LRBA: variants seen among roughly 807,000 people sequenced by gnomAD.
The protein encoded by LRBA is LPS responsive beige-like anchor protein, also known as lipopolysaccharide-responsive and beige-like anchor protein.
A neutral mutation model predicts 330.0 loss-of-function variants in LRBA; 176 were observed. That is an observed-to-expected ratio of 0.53 (90% CI 0.47 to 0.60). The LOEUF (loss-of-function observed/expected upper bound fraction) is 0.60, where lower values mean the gene tolerates loss of function less well. Ranked by LOEUF, LRBA falls within the 20% of genes least tolerant of loss-of-function variation. The pLI is 0.00. For missense variants in LRBA, 3,259 were observed against 3,444.8 expected (o/e 0.95, Z 1.35); for synonymous variants, 1,230 against 1,193.0 (o/e 1.03, Z -0.64).
intron 22 of LRBA, among the ~76,000 whole-genome samples, chr4:150,854,700 AAG>A (rs993812565): frequency 9.9e-5 from 15 of 152,188 alleles, no homozygotes; most frequent in Non-Finnish European, 2.2e-4. Context: ...GCAAGAATAA[AAG>A]AGAGAGCAAG....
intron 39 of LRBA, among the ~76,000 whole-genome samples, chr4:150,589,001 A>T (rs1359605598): frequency 6.6e-6 from 1 of 151,946 alleles, no homozygotes; most frequent in Non-Finnish European, 1.5e-5. Context: ...TATGAACTAA[A>T]AATGTTACAT....
At chr4:150,644,301 G>C (rs1170167147) in intron 37 of LRBA, among the ~76,000 whole-genome samples, 2 of 151,700 alleles carry the variant, frequency 1.3e-5, no homozygotes, top group African/African-American at 4.8e-5. Context: ...GAAAAACTTA[G>C]AAAATTTAAA....
chr4:150,951,902 C>A (rs1736874672), intron 2 of LRBA, among the ~76,000 whole-genome samples: 1 of 152,072 alleles, frequency 6.6e-6, no homozygotes, highest in Non-Finnish European at 1.5e-5. Flanking sequence ...TTAAAGCTTA[C>A]TTATGTTTCT....
intron 3 of LRBA, 65 bp from the exon 4 acceptor site, chr4:150,928,681 C>A: frequency 1.4e-6 from 2 of 1,406,070 alleles, no homozygotes; most frequent in Admixed American, 3.8e-5. Context: ...TTAAAATAAA[C>A]TGTGCTTATT....
intron 52 of LRBA, among the ~76,000 whole-genome samples, chr4:150,305,436 A>G (rs1050570474): frequency 2.0e-5 from 3 of 152,186 alleles, no homozygotes; most frequent in African/African-American, 7.2e-5. Context: ...TTTTCATTCA[A>G]CAAATACTTA....
intron 40 of LRBA, among the ~76,000 whole-genome samples, chr4:150,559,795 TATA>T (rs1357453376): frequency 1.3e-4 from 10 of 79,232 alleles, no homozygotes; most frequent in South Asian, 5.8e-4. Context: ...TATATATAAT[TATA>T]ATATGTTATA....
chr4:150,665,733 T>C (rs1271743639), intron 37 of LRBA, among the ~76,000 whole-genome samples: 2 of 152,226 alleles, frequency 1.3e-5, no homozygotes, highest in African/African-American at 4.8e-5. Context: ...CAGTAATTTG[T>C]TCCTTTTTAT....
At chr4:150,980,769 T>G (rs183520868) in intron 2 of LRBA, among the ~76,000 whole-genome samples, 1 of 152,302 alleles carries the variant, frequency 6.6e-6, no homozygotes, top group African/African-American at 2.4e-5. Context: ...CTATTAGAAG[T>G]GATTAATTCA....
At chr4:150,620,612 A>C (rs1356961933) in intron 37 of LRBA, among the ~76,000 whole-genome samples, 1 of 152,244 alleles carries the variant, frequency 6.6e-6, no homozygotes, top group Non-Finnish European at 1.5e-5. Flanking sequence ...ACACCATGGA[A>C]TACTACTCAG....
Position 150,675,928 on chromosome 4 carries a change from A to G in LRBA, c.5921+7623T>C, listed in dbSNP as rs1782508709. Among the ~76,000 whole-genome samples the G allele has an allele frequency of 2.0e-5, 3 of 152,242 alleles. No individual in the cohort carries two copies. In the South Asian group the frequency reaches 6.2e-4, roughly 32 times the overall value. The stretch of plus-strand genomic sequence containing the variant: ...TTGAATAAACTTTTAGAATCACACA[A>G]TCTTAGAGGTGAAGAGGACCTTACT... On this transcript the variant is annotated intron_variant, in intron 37 of 56. Transcript: ENST00000651943.
chr4:150,984,537 T>C (rs1344332395), intron 2 of LRBA, among the ~76,000 whole-genome samples: 3 of 152,126 alleles, frequency 2.0e-5, no homozygotes, highest in African/African-American at 7.2e-5. Context: ...TAGGATTTGA[T>C]AGCATATCTA....
intron 40 of LRBA, among the ~76,000 whole-genome samples, chr4:150,507,384 A>C: frequency 6.6e-6 from 1 of 152,140 alleles, no homozygotes; most frequent in Non-Finnish European, 1.5e-5. Context: ...ACAGAGATAT[A>C]GACCAATGGA....
In LRBA at chr4:150,583,710, C is replaced by T. The variant is rs1351551464; in HGVS notation, c.6330+4338G>A. 7.4e-6 allele frequency: 12 copies of T among 1,613,248 alleles called. No homozygotes were observed. The South Asian group carries it at 9.9e-5, about 13-fold the overall frequency. On this transcript the variant is annotated intron_variant, in intron 40 of 56. Transcript: ENST00000651943. The surrounding 1 kb of genome is among the most constrained non-coding windows in gnomAD (Gnocchi z 9.8). ...CCGGCAAGCAGAGCTCGGCAGAGAG[C>T]GACGCCTGGGTGCTACAGTTCGGGG... is the stretch of plus-strand genomic sequence containing the variant.
chr4:150,774,898 A>C (rs1201069132), intron 34 of LRBA, among the ~76,000 whole-genome samples: 1 of 152,170 alleles, frequency 6.6e-6, no homozygotes, highest in Admixed American at 6.5e-5. Flanking sequence ...CTGCGTATAC[A>C]GGTAAAATAA....
intron 47 of LRBA, among the ~76,000 whole-genome samples, chr4:150,400,096 A>C (rs1310395088): frequency 2.0e-5 from 3 of 152,212 alleles, no homozygotes; most frequent in Admixed American, 2.0e-4. Context: ...AGAAGTGTAC[A>C]TTGTTCAGTG....
intron 22 of LRBA, among the ~76,000 whole-genome samples, chr4:150,853,693 A>C (rs569229260): frequency 6.6e-6 from 1 of 152,166 alleles, no homozygotes; most frequent in South Asian, 2.1e-4. Context: ...TTTTAAAGAG[A>C]GTGCTGTACT....
At chr4:150,514,381 T>C (rs1480756102) in intron 40 of LRBA, among the ~76,000 whole-genome samples, 5 of 152,026 alleles carry the variant, frequency 3.3e-5, no homozygotes, top group Non-Finnish European at 7.4e-5. Context: ...GCCCCTTTCA[T>C]AGTTCCTGAC....
chr4:150,534,765 T>C (rs895214910), intron 40 of LRBA, among the ~76,000 whole-genome samples: 13 of 152,204 alleles, frequency 8.5e-5, no homozygotes, highest in Non-Finnish European at 1.9e-4. Context: ...AGCCTATGTA[T>C]GCAACAATTT....
At chr4:150,625,835 G>A (rs1035904963) in intron 37 of LRBA, among the ~76,000 whole-genome samples, 5 of 151,528 alleles carry the variant, frequency 3.3e-5, no homozygotes, top group African/African-American at 7.3e-5. Flanking sequence ...TCAGCCTGCC[G>A]AGTAGCTGGG....
Sources: gnomAD v4.1 joint callset for allele counts (sites outside exome capture counted in the v4.1 genomes callset) on GRCh38, gnomAD v4.1.1 for gene constraint, Gnocchi (gnomAD v3.1) non-coding constraint, MANE v1.5 for transcripts, NCBI Gene and HGNC (gene_info 2026-07-23, HGNC 2026-07-21) for gene names.